The following KRT84 variants were observed in gnomAD, a reference collection of about 807,000 sequenced individuals.
The protein encoded by KRT84 is keratin 84, also known as keratin, type II cuticular Hb4.
Under a neutral mutation model 49.0 loss-of-function variants are expected in KRT84, and 38 were observed. The observed-to-expected ratio is 0.78, with a 90% CI of 0.60 to 1.02. The LOEUF is 1.02. Ranked by LOEUF, KRT84 falls within the 50% of genes least tolerant of loss-of-function variation. The pLI, the probability that KRT84 is intolerant of heterozygous loss-of-function variation, is 0.00. For synonymous variants in KRT84, 334 were observed against 312.8 expected (o/e 1.07, Z -0.72); for missense variants, 860 against 788.6 (o/e 1.09, Z -1.08).
rs1376848839 is a variant in KRT84, at chr12:52,379,786, C to T, written c.1456+90G>A. On this transcript the variant is annotated intron_variant, in intron 8 of 8. Coordinates refer to ENST00000257951, the MANE Select transcript of KRT84 (RefSeq NM_033045.4). ...ACTGTCGTGGCCAGACCGGCCATGT[C>T]GGACGCCTCCTGACCCCAGTGTGAG... 7.7e-5 allele frequency: 82 copies of T among 1,067,380 alleles called. No individual in the cohort carries two copies. In the East Asian group the frequency reaches 1.7e-3, roughly 22 times the overall value. 66.1% of individuals were successfully genotyped at this position (1,067,380 alleles called of 1,614,324 possible).
rs769390797 is a variant in KRT84, at chr12:52,380,581, A to T, written c.1206T>A (p.Arg402=). The change falls in exon 7 of 9, where the codon CGT becomes CGA. Residue 402 remains arginine, a splice_region_variant and synonymous_variant. Transcript: ENST00000257951. The part of the protein sequence containing the change: ...KAEIEHAKAQ[R]AKLEAAVAEA... ...CGGCCACTGCAGCCTCCAACTTGGC[A>T]CGCTGCAGGGAAGGCAGTTTGCAGG... The T allele has an allele frequency of 6.2e-7, 1 of 1,610,004 alleles. No individual in the cohort carries two copies. Among genetic ancestry groups the T allele is most frequent in the Admixed American group, 1.7e-5 (1 of 59,730 alleles).
chr12:52,380,225 A>C, intron 7 of KRT84, 138 bp downstream of exon 7: 1 of 1,092,370 alleles, frequency 9.2e-7, no homozygotes, highest in Non-Finnish European at 1.3e-6. Flanking sequence ...AGGGCAATGC[A>C]ACTAATGTTT....
chr12:52,383,203 C>A, intron 2 of KRT84, 138 bp from the exon 3 acceptor site: 1 of 705,718 alleles, frequency 1.4e-6, no homozygotes, highest in Non-Finnish European at 2.6e-6. Flanking sequence ...GCTATAACAT[C>A]ATCCCCTCTG....
At position 52,378,358 on chromosome 12, in the gene KRT84, G is replaced by GCCGCC; in HGVS notation, c.1474_1478dup (p.Leu494AlafsTer56). 6.8e-7 allele frequency: 1 copy of GCCGCC among 1,477,410 alleles called. No homozygotes were observed. Among genetic ancestry groups the GCCGCC allele is most frequent in the Middle Eastern group, 2.4e-4 (1 of 4,180 alleles). The allele number at this position is 1,477,410 out of a possible 1,614,324, so 91.5% of individuals were successfully genotyped here. A position where few individuals can be genotyped will look rare whatever the true frequency, so the allele number is the denominator to read the frequency against. On this transcript the variant is annotated frameshift_variant, in exon 9 of 9. Transcript: ENST00000257951. LOFTEE classifies it low-confidence loss of function (END_TRUNC). ...CCAAAGGCTCAGGCCCGCACACCAG[G>GCCGCC]CCGCCCCGGGAGCTGCTGACGGCTG...
In KRT84 at chr12:52,382,964, G is replaced by A. The variant is rs188460858; in HGVS notation, c.816+41C>T. ...TGGGGAGTCTTGAGAACATTTGCCGGTCCAGAGGAGAAGTTGGCCTGGTCT... is the reference window on the plus strand; with the variant it reads ...TGGGGAGTCTTGAGAACATTTGCCGATCCAGAGGAGAAGTTGGCCTGGTCT... On this transcript the variant is annotated intron_variant, in intron 3 of 8. Coordinates refer to ENST00000257951, the MANE Select transcript of KRT84 (RefSeq NM_033045.4). 385 of 1,576,824 alleles carry A rather than the reference G, an allele frequency of 2.4e-4. No individual in the cohort carries two copies. The African/African-American group carries it at 4.4e-3, about 18-fold the overall frequency.
intron 6 of KRT84, 88 bp downstream of exon 6, chr12:52,380,992 T>A: frequency 4.0e-6 from 6 of 1,518,002 alleles, no homozygotes; most frequent in Non-Finnish European, 5.3e-6. Flanking sequence ...CTTGATGGTC[T>A]CCCTCACCTC....
In KRT84 at chr12:52,381,103, C is replaced by A; in HGVS notation, c.1180G>T (p.Glu394Ter). Residue 394 changes from glutamate (E) to a stop codon, truncating the protein, a stop_gained, in exon 6 of 9, where the codon GAG becomes TAG. Coordinates refer to ENST00000257951, the MANE Select transcript of KRT84 (RefSeq NM_033045.4). LOFTEE classifies it high-confidence loss of function. ...LTRLIQRLKA[E>*]IEHAKAQRAK... ...ACCTGAGCCTTGGCGTGCTCAATCT[C>A]TGCCTTAAGCCTCTGGATCAGGCGG... is the stretch of plus-strand genomic sequence containing the variant. The A allele has an allele frequency of 6.2e-7, 1 of 1,614,102 alleles. No homozygotes were observed.
intron 2 of KRT84, 86 bp from the exon 3 acceptor site, chr12:52,383,151 C>G: frequency 9.1e-7 from 1 of 1,100,166 alleles, no homozygotes. Context: ...TGCAAGATCT[C>G]TCAGTCTGTG....
At position 52,381,113 on chromosome 12, in the gene KRT84, C is replaced by G; in HGVS notation, c.1170G>C (p.Arg390Ser). 6.2e-7 allele frequency: 1 copy of G among 1,614,124 alleles called. No individual in the cohort carries two copies. Among genetic ancestry groups the G allele is most frequent in the Non-Finnish European group, 8.5e-7 (1 of 1,180,032 alleles). The change falls in exon 6 of 9, where the codon AGG (arginine) becomes AGC (serine). Residue 390 changes from arginine to serine, a missense_variant. Arg to Ser is a moderately radical substitution (Grantham distance 110). Coordinates refer to ENST00000257951, the MANE Select transcript of KRT84 (RefSeq NM_033045.4). ...TGGCGTGCTCAATCTCTGCCTTAAG[C>G]CTCTGGATCAGGCGGGTCAGTTCGT... The part of the protein sequence containing the change: ...EINELTRLIQ[R>S]LKAEIEHAKA...
At chr12:52,378,973 A>G (rs1238992833) in intron 8 of KRT84, among the ~76,000 whole-genome samples, 2 of 151,980 alleles carry the variant, frequency 1.3e-5, no homozygotes, top group Non-Finnish European at 2.9e-5. Context: ...GGAGGGGTAC[A>G]CTCTTTCCTG....
chr12:52,380,294 C>T (rs1725219535), intron 7 of KRT84, 69 bp downstream of exon 7: 18 of 1,569,064 alleles, frequency 1.1e-5, no homozygotes, highest in South Asian at 3.4e-5. Context: ...TCACTGTCCC[C>T]TTCTCTTCCT....
rs147739301 is a variant in KRT84 at position 52,378,379 on chromosome 12, G to T, written c.1458C>A (p.Ser486=). ...CCAGGCCGCCCCGGGAGCTGCTGAC[G>T]GCTGCGGAGAAAGAAAGCATCAGGG... The part of the protein sequence containing the change: ...LCEGVGPVNI[S]VSSSRGGLVC... Residue 486 remains serine (S), a splice_region_variant and synonymous_variant, in exon 9 of 9, where the codon TCC becomes TCA. Coordinates refer to ENST00000257951, the MANE Select transcript of KRT84 (RefSeq NM_033045.4). The T allele has an allele frequency of 2.7e-4, 394 of 1,455,614 alleles. 7 individuals carry two copies. In the East Asian group the frequency reaches 0.01, roughly 39 times the overall value. 90.2% of individuals were successfully genotyped at this position (1,455,614 alleles called of 1,614,324 possible).
At chr12:52,380,930 A>G (rs879210459) in intron 6 of KRT84, 150 bp downstream of exon 6, 1 of 1,069,718 alleles carries the variant, frequency 9.3e-7, no homozygotes, top group South Asian at 1.7e-5. Context: ...CCATATTTTT[A>G]TCCTCCAGAA....
chr12:52,381,411 C>T lies in KRT84; in HGVS notation c.1027G>A (p.Glu343Lys). The change falls in exon 5 of 9, where the codon GAG becomes AAG. Residue 343 changes from glutamate (E) to lysine (K), a missense_variant. Transcript: ENST00000257951. ...TCAGCCCGGCTGCGCCTGGCCACCTCCTCATACTGGGCCTTGACCTCAGCA... is the reference window on the plus strand; with the variant it reads ...TCAGCCCGGCTGCGCCTGGCCACCTTCTCATACTGGGCCTTGACCTCAGCA... ...IIAEVKAQYEEVARRSRADAE... is the reference protein window; with the variant it reads ...IIAEVKAQYEKVARRSRADAE... The T allele has an allele frequency of 6.2e-7, 1 of 1,614,218 alleles. No homozygotes were observed. Among genetic ancestry groups the T allele is most frequent in the Non-Finnish European group, 8.5e-7 (1 of 1,180,048 alleles).
At position 52,380,370 on chromosome 12, in the gene KRT84, C is replaced by T. The variant is rs747973577; in HGVS notation, c.1417G>A (p.Glu473Lys). The T allele has an allele frequency of 6.2e-7, 1 of 1,613,914 alleles. No homozygotes were observed. The highest frequency in any genetic ancestry group is 8.5e-7 in the Non-Finnish European group (1 of 1,179,974). Residue 473 changes from glutamate (E) to lysine (K), a missense_variant, in exon 7 of 9, where the codon GAG becomes AAG. Coordinates refer to ENST00000257951, the MANE Select transcript of KRT84 (RefSeq NM_033045.4). Reference sequence around the variant, plus strand: ...TGGACTGAGAGTACTCACCGGCTCTCCTCGCCCTCCAGCAGGCGCCTGTAG... The same window carrying T: ...TGGACTGAGAGTACTCACCGGCTCTTCTCGCCCTCCAGCAGGCGCCTGTAG... Reference protein sequence around the residue: ...ATYRRLLEGEESRLCEGVGPV... With the variant: ...ATYRRLLEGEKSRLCEGVGPV...
At position 52,378,096 on chromosome 12, in the gene KRT84, C is replaced by T. The variant is rs768390760; in HGVS notation, c.1741G>A (p.Gly581Ser). 44 of 1,508,188 alleles carry T rather than the reference C, an allele frequency of 2.9e-5. No individual in the cohort carries two copies. Among genetic ancestry groups the T allele is most frequent in the South Asian group, 2.9e-4 (21 of 73,066 alleles). The allele number at this position is 1,508,188 out of a possible 1,614,324, so 93.4% of individuals were successfully genotyped here. ...PTQGGFSSCSGGRSSSVRFVS... is the reference protein window; with the variant it reads ...PTQGGFSSCSSGRSSSVRFVS... Reference sequence around the variant, plus strand: ...AAGCGGACGCTGGAGCTGCGGCCGCCGCTGCAGCTGCTGAAGCCCCCCTGG... The same window carrying T: ...AAGCGGACGCTGGAGCTGCGGCCGCTGCTGCAGCTGCTGAAGCCCCCCTGG... Residue 581 changes from glycine to serine, a missense_variant, in exon 9 of 9, where the codon GGC (glycine) becomes AGC (serine). Transcript: ENST00000257951.
chr12:52,381,279 T>C, intron 5 of KRT84, 74 bp from the exon 6 acceptor site: 1 of 1,607,414 alleles, frequency 6.2e-7, no homozygotes, highest in Non-Finnish European at 8.5e-7. Context: ...GTTGGGGGCT[T>C]CAAACCTCCC....
chr12:52,384,300 C>T (rs1318067806), intron 1 of KRT84, among the ~76,000 whole-genome samples: 1 of 152,158 alleles, frequency 6.6e-6, no homozygotes, highest in African/African-American at 2.4e-5. Flanking sequence ...CCCTTTACCC[C>T]AGCCCCTCAT....
chr12:52,385,901 C>A (rs1378948930), upstream of KRT84, among the ~76,000 whole-genome samples: 1 of 152,076 alleles, frequency 6.6e-6, no homozygotes, highest in Admixed American at 6.5e-5. Context: ...TTTTTTTTCC[C>A]TATAAGTCTA....
Sources: allele counts gnomAD v4.1 joint callset (sites outside exome capture counted in the v4.1 genomes callset), GRCh38; gene constraint gnomAD v4.1.1; transcripts MANE v1.5; gene names NCBI Gene and HGNC (gene_info 2026-07-23, HGNC 2026-07-21).